RTKN2: variants seen among roughly 807,000 people sequenced by gnomAD.
RTKN2 encodes the protein rhotekin-2.
In RTKN2, 69 loss-of-function variants were observed where a neutral mutation model predicts 71.5. That is an observed-to-expected ratio of 0.96 (90% CI 0.79 to 1.18). The LOEUF is 1.18. Among genes scored for constraint, RTKN2 ranks in the 50% most tolerant of loss-of-function variants. The probability of loss-of-function intolerance (pLI) is 0.00; values close to 1 mark genes in which losing one functional copy is unlikely to be tolerated. For synonymous variants in RTKN2, 236 were observed against 236.5 expected, an observed-to-expected ratio of 1.00 and a Z score of 0.02; for missense variants, 724 against 719.7, an observed-to-expected ratio of 1.01 and a Z score of -0.07.
intron 6 of RTKN2, among the ~76,000 whole-genome samples, chr10:62,227,393 C>T (rs1457896913): frequency 6.6e-6 from 1 of 151,944 alleles, no homozygotes; most frequent in South Asian, 2.1e-4. Context: ...AAGAAAGGAG[C>T]CACAAGAAGA....
Position 62,196,057 on chromosome 10 carries a change from G to A in RTKN2, c.*1851C>T. 2 of 984,006 alleles carry A rather than the reference G, an allele frequency of 2.0e-6. No homozygotes were observed. The highest frequency in any genetic ancestry group is 2.4e-6 in the Non-Finnish European group (2 of 829,198). 61.0% of individuals were successfully genotyped at this position (984,006 alleles called of 1,614,324 possible). On this transcript the variant is annotated 3_prime_UTR_variant, in exon 12 of 12. Transcript: ENST00000373789. Reference sequence around the variant, plus strand: ...AAGGCATCAACTAGGAAAAAAAAAAGAATGCTTAGATGCCAGCTTCAAAAC... The same window carrying A: ...AAGGCATCAACTAGGAAAAAAAAAAAAATGCTTAGATGCCAGCTTCAAAAC...
At chr10:62,243,836 C>A (rs933029426) in intron 3 of RTKN2, among the ~76,000 whole-genome samples, 3 of 152,108 alleles carry the variant, frequency 2.0e-5, no homozygotes. Context: ...TGACTTGATG[C>A]TATCAAGTCC....
chr10:62,251,301 T>C (rs1842576560), intron 2 of RTKN2, among the ~76,000 whole-genome samples: 2 of 152,350 alleles, frequency 1.3e-5, no homozygotes, highest in South Asian at 4.1e-4. Flanking sequence ...TATTATTAGT[T>C]ATTGTTGTTC....
chr10:62,194,967 T>C lies in RTKN2; in HGVS notation c.*2941A>G. 3 of 985,280 alleles carry C rather than the reference T, an allele frequency of 3.0e-6. No homozygotes were observed. The highest frequency in any genetic ancestry group is 3.6e-6 in the Non-Finnish European group (3 of 829,878). 61.0% of individuals were successfully genotyped at this position (985,280 alleles called of 1,614,324 possible). A position where few individuals can be genotyped will look rare whatever the true frequency, so the allele number is the denominator to read the frequency against. ...AGGATTTAACAAAACTCAGCAAGAGTTGGCACGCCTGATATTTTTGAAAGA... is the reference window on the plus strand; with the variant it reads ...AGGATTTAACAAAACTCAGCAAGAGCTGGCACGCCTGATATTTTTGAAAGA... On this transcript the variant is annotated 3_prime_UTR_variant, in exon 12 of 12. Transcript: ENST00000373789.
downstream of RTKN2, among the ~76,000 whole-genome samples, chr10:62,191,654 T>C (rs1219527072): frequency 1.3e-5 from 2 of 152,202 alleles, no homozygotes; most frequent in East Asian, 3.8e-4. Context: ...TTCATCTCCA[T>C]AGTCTCTAAT....
At chr10:62,200,760 T>A (rs10995083) in intron 10 of RTKN2, among the ~76,000 whole-genome samples, 49,212 of 151,908 alleles carry the variant, frequency 0.32, 9,795 homozygotes, top group African/African-American at 0.57. Context: ...CTGTATTTTC[T>A]TTTAGGTTTT....
At chr10:62,262,558 A>G (rs912745029) in intron 2 of RTKN2, 67 bp downstream of exon 2, 1 of 1,124,156 alleles carries the variant, frequency 8.9e-7, no homozygotes, top group African/African-American at 1.6e-5. Flanking sequence ...TTAAGCTTAA[A>G]TTATACTGTG....
chr10:62,218,427 T>C (rs2132892511), intron 7 of RTKN2, 126 bp from the exon 8 acceptor site: 2 of 594,380 alleles, frequency 3.4e-6, no homozygotes, highest in African/African-American at 1.9e-5. Flanking sequence ...ATTTTAGAAT[T>C]AGTTTCATGT....
chr10:62,239,302 T>A (rs146509340), intron 5 of RTKN2: 1 of 160,752 alleles, frequency 6.2e-6, no homozygotes, highest in African/African-American at 2.4e-5. Context: ...TATGCTTAAA[T>A]TCTCTCTATA....
chr10:62,191,167 C>T (rs1841217199), downstream of RTKN2, among the ~76,000 whole-genome samples: 2 of 152,152 alleles, frequency 1.3e-5, no homozygotes, highest in South Asian at 4.1e-4. Flanking sequence ...CAGGGTCTCA[C>T]TCTGCCCAGG....
chr10:62,247,041 A>AC (rs994081499), intron 2 of RTKN2, among the ~76,000 whole-genome samples: 2 of 151,960 alleles, frequency 1.3e-5, no homozygotes, highest in African/African-American at 4.8e-5. Context: ...CTAATTAACT[A>AC]CCAGCTAATT....
intron 1 of RTKN2, among the ~76,000 whole-genome samples, chr10:62,265,176 G>A (rs1478182821): frequency 6.6e-6 from 1 of 152,110 alleles, no homozygotes; most frequent in Non-Finnish European, 1.5e-5. Context: ...GAAATGAGGT[G>A]TATCTAACAG....
chr10:62,212,406 AG>A (rs1841681426), intron 9 of RTKN2, among the ~76,000 whole-genome samples: 1 of 151,806 alleles, frequency 6.6e-6, no homozygotes, highest in South Asian at 2.1e-4. Context: ...GGAAAAAAAA[AG>A]AATATACTAA....
At chr10:62,192,514 G>A (rs553090409), downstream of RTKN2, among the ~76,000 whole-genome samples, 58 of 152,144 alleles carry the variant, frequency 3.8e-4, no homozygotes, top group Non-Finnish European at 6.5e-4. Context: ...AGTGATTTCC[G>A]AATCAGCTGA....
Position 62,193,978 on chromosome 10 carries a change from G to C in RTKN2, c.*3930C>G. The C allele has an allele frequency of 1.0e-6, 1 of 985,098 alleles. No individual in the cohort carries two copies. Among genetic ancestry groups the C allele is most frequent in the South Asian group, 4.7e-5 (1 of 21,272 alleles). 61.0% of individuals were successfully genotyped at this position (985,098 alleles called of 1,614,324 possible). On this transcript the variant is annotated 3_prime_UTR_variant, in exon 12 of 12. Coordinates refer to ENST00000373789, the MANE Select transcript of RTKN2 (RefSeq NM_145307.4). ...AGTCTAGTCTAGAGGAGCACTTAAA[G>C]AGAAAAAGTTAGAAAACGTCTTCAT...
At chr10:62,264,430 A>G (rs183218833) in intron 1 of RTKN2, among the ~76,000 whole-genome samples, 218 of 152,342 alleles carry the variant, frequency 1.4e-3, no homozygotes, top group African/African-American at 4.7e-3. Flanking sequence ...ACATGACTGA[A>G]TTTCAACAAC....
intron 2 of RTKN2, among the ~76,000 whole-genome samples, chr10:62,252,479 A>G (rs1176504058): frequency 6.6e-6 from 1 of 152,134 alleles, no homozygotes; most frequent in Admixed American, 6.5e-5. Context: ...TGGAAAGTAC[A>G]ACGGAAGAAC....
At chr10:62,267,808 G>A (rs1842893254) in intron 1 of RTKN2, among the ~76,000 whole-genome samples, 2 of 152,176 alleles carry the variant, frequency 1.3e-5, no homozygotes, top group Admixed American at 1.3e-4. Flanking sequence ...TGAAGGTCCA[G>A]CTTAAAGACA....
rs142584048 is a variant in RTKN2, at chr10:62,198,555, T to A, written c.1295-112A>T. ...GCTATATACAATGGTCATCAAAGAC[T>A]ATGATAAGGAAAACGTTCACTTGTA... On this transcript the variant is annotated intron_variant, in intron 11 of 11. Coordinates refer to ENST00000373789, the MANE Select transcript of RTKN2 (RefSeq NM_145307.4). The A allele has an allele frequency of 1.9e-4, 149 of 786,670 alleles. No homozygotes were observed. In the African/African-American group the frequency reaches 2.5e-3, roughly 13 times the overall value. The allele number at this position is 786,670 out of a possible 1,614,324, so 48.7% of individuals were successfully genotyped here.
Sources: gnomAD v4.1 joint callset for allele counts (sites outside exome capture counted in the v4.1 genomes callset) on GRCh38, gnomAD v4.1.1 for gene constraint, MANE v1.5 for transcripts, NCBI Gene and HGNC (gene_info 2026-07-23, HGNC 2026-07-21) for gene names.